PTPRD: variants seen among roughly 807,000 people sequenced by gnomAD.
The protein encoded by PTPRD is receptor-type tyrosine-protein phosphatase delta.
PTPRD carries 34 observed loss-of-function variants against 214.5 expected under a neutral mutation model. That is an observed-to-expected ratio of 0.16 (90% CI 0.12 to 0.21). The LOEUF is 0.21. Among genes scored for constraint, PTPRD ranks in the 10% least tolerant of loss-of-function variants. PTPRD has a pLI of 1.00. For missense variants in PTPRD, 2,545 were observed against 2,398.7 expected (o/e 1.06, Z -1.27); for synonymous variants, 1,128 against 845.7 (o/e 1.33, Z -5.79).
chr9:9,606,658 G>C, intron 7 of PTPRD, among the ~76,000 whole-genome samples: 1 of 151,822 alleles, frequency 6.6e-6, no homozygotes, highest in East Asian at 1.9e-4. Flanking sequence ...CTGTAGAAAG[G>C]ACAGACCCTT....
intron 32 of PTPRD, among the ~76,000 whole-genome samples, chr9:8,461,957 C>G (rs927785003): frequency 6.6e-6 from 1 of 151,742 alleles, no homozygotes; most frequent in Non-Finnish European, 1.5e-5. Context: ...GCCCTGAACC[C>G]GTATTCTTAA....
chr9:8,787,560 C>T (rs968563738), intron 11 of PTPRD, among the ~76,000 whole-genome samples: 1 of 152,020 alleles, frequency 6.6e-6, no homozygotes, highest in Non-Finnish European at 1.5e-5. Flanking sequence ...TTGAATAAAG[C>T]CTAGATCCAT....
intron 4 of PTPRD, among the ~76,000 whole-genome samples, chr9:10,033,015 A>C (rs574303144): frequency 6.6e-6 from 1 of 151,886 alleles, no homozygotes; most frequent in African/African-American, 2.4e-5. Context: ...TGTAGTTTAC[A>C]TGAATTGGGA....
intron 8 of PTPRD, among the ~76,000 whole-genome samples, chr9:9,529,125 G>C (rs1158425219): frequency 2.6e-5 from 4 of 151,390 alleles, no homozygotes; most frequent in Non-Finnish European, 5.9e-5. Flanking sequence ...ATAGAGATGG[G>C]GTTTCACCAT....
At chr9:8,914,141 A>T (rs1566970232) in intron 11 of PTPRD, among the ~76,000 whole-genome samples, 1 of 152,152 alleles carries the variant, frequency 6.6e-6, no homozygotes, top group Non-Finnish European at 1.5e-5. Flanking sequence ...TGACCTCTAG[A>T]GTGGATGATT....
At chr9:9,965,384 G>C (rs575534743) in intron 4 of PTPRD, among the ~76,000 whole-genome samples, 1 of 152,204 alleles carries the variant, frequency 6.6e-6, no homozygotes, top group East Asian at 1.9e-4. Context: ...TGGTGAGGCA[G>C]GTATAAAGAC....
intron 12 of PTPRD, among the ~76,000 whole-genome samples, chr9:8,660,356 C>T (rs1203939616): frequency 6.6e-6 from 1 of 152,148 alleles, no homozygotes; most frequent in African/African-American, 2.4e-5. Flanking sequence ...GCTTTTGATT[C>T]TGTGTGGCTC....
chr9:9,908,294 C>A (rs2078177978), intron 5 of PTPRD, among the ~76,000 whole-genome samples: 1 of 151,914 alleles, frequency 6.6e-6, no homozygotes, highest in East Asian at 1.9e-4. Flanking sequence ...TTCTTCCACA[C>A]TAATAGTATC....
chr9:9,364,097 T>A (rs538611752), intron 9 of PTPRD, among the ~76,000 whole-genome samples: 1 of 151,530 alleles, frequency 6.6e-6, no homozygotes, highest in African/African-American at 2.4e-5. Context: ...GTGCCGATCT[T>A]CAGATCAAGG....
Position 9,846,025 on chromosome 9 carries a change from G to C in PTPRD, c.-367-79174C>G, listed in dbSNP as rs115624912. On this transcript the variant is annotated intron_variant, in intron 5 of 45. Transcript: ENST00000381196. Reference sequence around the variant, plus strand: ...CAGGATATTAATCTACTTTTGTCTTGAGAAAGAGTAATTCCTAGTGTTATA... The same window carrying C: ...CAGGATATTAATCTACTTTTGTCTTCAGAAAGAGTAATTCCTAGTGTTATA... 8.5e-3 allele frequency among the ~76,000 whole-genome samples: 1,292 copies of C among 152,212 alleles called. 14 individuals carry two copies. The highest frequency in any genetic ancestry group is 0.029 in the African/African-American group (1,209 of 41,556).
At chr9:10,351,510 G>A (rs374467301) in intron 2 of PTPRD, among the ~76,000 whole-genome samples, 2 of 152,050 alleles carry the variant, frequency 1.3e-5, no homozygotes, top group Admixed American at 1.3e-4. Context: ...GAGTCATGAA[G>A]TGATTACTGA....
intron 10 of PTPRD, among the ~76,000 whole-genome samples, chr9:9,153,906 G>A (rs1211532166): frequency 2.0e-5 from 3 of 152,128 alleles, no homozygotes; most frequent in Admixed American, 6.6e-5. Context: ...TAACTAGTGA[G>A]GCAGATGGTG....
chr9:9,763,421 A>G (rs1482662990), intron 6 of PTPRD, among the ~76,000 whole-genome samples: 1 of 151,634 alleles, frequency 6.6e-6, no homozygotes, highest in Non-Finnish European at 1.5e-5. Flanking sequence ...GGGGTATGGT[A>G]TTATAATATT....
chr9:9,092,530 G>C (rs1012126315), intron 10 of PTPRD, among the ~76,000 whole-genome samples: 5 of 151,986 alleles, frequency 3.3e-5, no homozygotes, highest in African/African-American at 9.7e-5. Flanking sequence ...TACAAATTAA[G>C]TGTAATAGTT....
intron 9 of PTPRD, among the ~76,000 whole-genome samples, chr9:9,197,785 T>G (rs1396311323): frequency 6.6e-6 from 1 of 152,212 alleles, no homozygotes; most frequent in Non-Finnish European, 1.5e-5. Flanking sequence ...CTTTCATGTT[T>G]CAGATACTCA....
chr9:9,020,136 T>C (rs1211970618), intron 10 of PTPRD, among the ~76,000 whole-genome samples: 1 of 152,194 alleles, frequency 6.6e-6, no homozygotes, highest in African/African-American at 2.4e-5. Flanking sequence ...CTCAAGATTT[T>C]AAAGGCATAT....
intron 15 of PTPRD, among the ~76,000 whole-genome samples, chr9:8,527,562 T>C (rs963792577): frequency 1.3e-5 from 2 of 152,068 alleles, no homozygotes; most frequent in African/African-American, 2.4e-5. Context: ...CAAGACGCTT[T>C]AACATCACAG....
At chr9:10,068,242 C>T (rs548586004) in intron 3 of PTPRD, among the ~76,000 whole-genome samples, 1 of 151,850 alleles carries the variant, frequency 6.6e-6, no homozygotes. Flanking sequence ...CTGCCATTTG[C>T]TGGATAACCG....
intron 9 of PTPRD, among the ~76,000 whole-genome samples, chr9:9,256,463 T>A (rs2099977740): frequency 6.6e-6 from 1 of 151,892 alleles, no homozygotes; most frequent in Non-Finnish European, 1.5e-5. Flanking sequence ...GATTTGAATG[T>A]TCTTGCCTAA....
Sources: gnomAD v4.1 joint callset for allele counts (sites outside exome capture counted in the v4.1 genomes callset) on GRCh38, gnomAD v4.1.1 for gene constraint, MANE v1.5 for transcripts, NCBI Gene and HGNC (gene_info 2026-07-23, HGNC 2026-07-21) for gene names.